Variants in LPCAT2 observed in about 807,000 individuals in gnomAD.
LPCAT2 encodes 1-AGP acyltransferase 11.
A neutral mutation model predicts 64.7 loss-of-function variants in LPCAT2; 58 were observed. The ratio of observed to expected loss-of-function variants is 0.90; its 90% CI spans 0.73 to 1.12. The LOEUF (loss-of-function observed/expected upper bound fraction) is 1.12, where lower values mean the gene tolerates loss of function less well. Ranked by LOEUF, LPCAT2 falls within the 50% of genes most tolerant of loss-of-function variation. The probability of loss-of-function intolerance (pLI) is 0.00; values close to 1 mark genes in which losing one functional copy is unlikely to be tolerated. For missense variants in LPCAT2, 579 were observed against 669.8 expected, an observed-to-expected ratio of 0.86 and a Z score of 1.50; for synonymous variants, 252 against 245.3, an observed-to-expected ratio of 1.03 and a Z score of -0.26.
chr16:55,560,842 T>C (rs897729378), intron 11 of LPCAT2, among the ~76,000 whole-genome samples: 12 of 152,072 alleles, frequency 7.9e-5, no homozygotes, highest in Admixed American at 5.2e-4. Flanking sequence ...CATATCCTAA[T>C]TCACCCAAGT....
At chr16:55,538,413 G>A (rs1157823054) in intron 8 of LPCAT2, 2 of 152,084 alleles carry the variant, frequency 1.3e-5, no homozygotes, top group African/African-American at 4.8e-5. Flanking sequence ...AGAGTTCTGA[G>A]TGGGGTCTAG....
chr16:55,574,853 G>C (rs1421035804), intron 12 of LPCAT2, 124 bp downstream of exon 12: 4 of 670,704 alleles, frequency 6.0e-6, no homozygotes, highest in Non-Finnish European at 1.0e-5. Context: ...ACATGTACAG[G>C]ACAATAATGT....
chr16:55,561,384 T>TTA (rs386384767), intron 11 of LPCAT2, among the ~76,000 whole-genome samples: 1 of 151,130 alleles, frequency 6.6e-6, no homozygotes, highest in Non-Finnish European at 1.5e-5. Flanking sequence ...TTTTTTTTTT[T>TTA]TGCAGATATG....
At position 55,559,537 on chromosome 16, in the gene LPCAT2, T is replaced by C. The variant is rs192292591; in HGVS notation, c.1215+8435T>C. On this transcript the variant is annotated intron_variant, in intron 11 of 13. Coordinates refer to ENST00000262134, the MANE Select transcript of LPCAT2 (RefSeq NM_017839.5). Reference sequence around the variant, plus strand: ...CCCCTTCCTGTTACAGAATGTAGGGTGCTGTAGTGTGCAGGTTTTCTGCTC... The same window carrying C: ...CCCCTTCCTGTTACAGAATGTAGGGCGCTGTAGTGTGCAGGTTTTCTGCTC... Among the ~76,000 whole-genome samples the C allele has an allele frequency of 2.6e-4, 39 of 152,208 alleles. No homozygotes were observed. The East Asian group carries it at 7.1e-3, about 28-fold the overall frequency.
chr16:55,514,890 T>TTGTGTGTGTG lies in LPCAT2; in HGVS notation c.171+5570_171+5579dup, dbSNP rs35295405. Among the ~76,000 whole-genome samples, 945 of 141,302 alleles carry TTGTGTGTGTG rather than the reference T, an allele frequency of 6.7e-3. 9 individuals carry two copies. The highest frequency in any genetic ancestry group is 0.019 in the African/African-American group (722 of 38,194). The allele number at this position is 141,302 out of a possible 152,430, so 92.7% of individuals were successfully genotyped here. On this transcript the variant is annotated intron_variant, in intron 1 of 13. Coordinates refer to ENST00000262134, the MANE Select transcript of LPCAT2 (RefSeq NM_017839.5). ...AGAATATCAATAAAGATGCAATGCA[T>TTGTGTGTGTG]TGTGTGTGTGTGTGTGTGTGTGTGT... is the stretch of plus-strand genomic sequence containing the variant.
At chr16:55,532,199 G>A (rs1485770596) in intron 5 of LPCAT2, 1 of 442,166 alleles carries the variant, frequency 2.3e-6, no homozygotes. Flanking sequence ...TGTGCACTTA[G>A]GATGTGTGGC....
At chr16:55,528,352 T>G in intron 2 of LPCAT2, 25 bp from the exon 3 acceptor site, 1 of 1,585,556 alleles carries the variant, frequency 6.3e-7, no homozygotes, top group Admixed American at 1.7e-5. Context: ...ACAGAGCTAA[T>G]TACATCTTTT....
intron 11 of LPCAT2, among the ~76,000 whole-genome samples, chr16:55,557,417 T>C (rs534810918): frequency 6.6e-6 from 1 of 152,308 alleles, no homozygotes; most frequent in African/African-American, 2.4e-5. Context: ...CTTTCCATGC[T>C]AGGCTTGTTT....
intron 1 of LPCAT2, among the ~76,000 whole-genome samples, chr16:55,512,638 T>C (rs576990918): frequency 4.7e-4 from 71 of 152,250 alleles, no homozygotes; most frequent in Admixed American, 9.8e-4. Flanking sequence ...CTCAAAACCT[T>C]GGCCGATTCC....
In LPCAT2 at chr16:55,531,919, A is replaced by G. The variant is rs1428569088; in HGVS notation, c.648A>G (p.Leu216=). The G allele has an allele frequency of 1.9e-6, 3 of 1,579,452 alleles. No homozygotes were observed. Among genetic ancestry groups the G allele is most frequent in the Non-Finnish European group, 2.6e-6 (3 of 1,149,900 alleles). ...TCTATTCCTTTTTTCCCAAGATACTAGTTTTCCCAGAAGGTACTTGTACTA... is the reference window on the plus strand; with the variant it reads ...TCTATTCCTTTTTTCCCAAGATACTGGTTTTCCCAGAAGGTACTTGTACTA... ...TTSGGEWPQI[L]VFPEGTCTNR... is the part of the protein sequence containing the mutation. The change falls in exon 5 of 14, where the codon CTA becomes CTG. Residue 216 remains leucine, a synonymous_variant. Coordinates refer to ENST00000262134, the MANE Select transcript of LPCAT2 (RefSeq NM_017839.5).
chr16:55,548,125 T>G (rs1204126308), intron 9 of LPCAT2, among the ~76,000 whole-genome samples: 1 of 152,232 alleles, frequency 6.6e-6, no homozygotes. Context: ...CTAGCAATGA[T>G]TCAACAAAAT....
intron 11 of LPCAT2, among the ~76,000 whole-genome samples, chr16:55,553,746 T>C (rs1346871367): frequency 6.6e-6 from 1 of 152,224 alleles, no homozygotes; most frequent in African/African-American, 2.4e-5. Flanking sequence ...TTTGCCCAAA[T>C]CCACCAGAAG....
chr16:55,542,720 G>T (rs1199850521), intron 8 of LPCAT2, among the ~76,000 whole-genome samples: 1 of 152,156 alleles, frequency 6.6e-6, no homozygotes, highest in Non-Finnish European at 1.5e-5. Context: ...GATTGATCCA[G>T]ATGTGACCAT....
At chr16:55,531,676 T>C (rs1350423623) in intron 4 of LPCAT2, among the ~76,000 whole-genome samples, 3 of 152,192 alleles carry the variant, frequency 2.0e-5, no homozygotes, top group Non-Finnish European at 4.4e-5. Flanking sequence ...TAAGAGACAT[T>C]TGTTAAGTAT....
chr16:55,563,441 A>G (rs1963658671), intron 11 of LPCAT2, among the ~76,000 whole-genome samples: 1 of 151,984 alleles, frequency 6.6e-6, no homozygotes, highest in African/African-American at 2.4e-5. Flanking sequence ...CCATATGAAC[A>G]TGGATGCAAA....
chr16:55,517,551 A>G (rs1246590685), intron 1 of LPCAT2, among the ~76,000 whole-genome samples: 1 of 152,172 alleles, frequency 6.6e-6, no homozygotes, highest in African/African-American at 2.4e-5. Flanking sequence ...AAAGAAAACT[A>G]CAGACCAATA....
chr16:55,563,871 A>G (rs1319091255), intron 11 of LPCAT2, among the ~76,000 whole-genome samples: 1 of 151,930 alleles, frequency 6.6e-6, no homozygotes, highest in Non-Finnish European at 1.5e-5. Flanking sequence ...AGAAAAAGAA[A>G]TAAGAGGCAT....
In LPCAT2 at chr16:55,528,339, T is replaced by C. The variant is rs1048092007; in HGVS notation, c.312-38T>C. On this transcript the variant is annotated intron_variant, in intron 2 of 13. Coordinates refer to ENST00000262134, the MANE Select transcript of LPCAT2 (RefSeq NM_017839.5). ...AGTAAAACCCTGCTGCTAGCTTTAATTAACAGAGCTAATTACATCTTTTCT... is the reference window on the plus strand; with the variant it reads ...AGTAAAACCCTGCTGCTAGCTTTAACTAACAGAGCTAATTACATCTTTTCT... 3 of 1,537,134 alleles carry C rather than the reference T, an allele frequency of 2.0e-6. No homozygotes were observed. In the South Asian group the frequency reaches 3.4e-5, roughly 17 times the overall value.
chr16:55,509,991 C>CTTTTTTTTTTTTTTTTTT lies in LPCAT2; in HGVS notation c.171+656_171+657insTTTTTTTTTTTTTTTTTT, dbSNP rs57496150. ...TACGGGAGAGTAGATTTGAAGAAGT[C>CTTTTTTTTTTTTTTTTTT]TTTTTTTTTTTTTTTTTGCCTTAGG... On this transcript the variant is annotated intron_variant, in intron 1 of 13. Transcript: ENST00000262134. 4.9e-4 allele frequency among the ~76,000 whole-genome samples: 50 copies of CTTTTTTTTTTTTTTTTTT among 102,532 alleles called. 2 individuals are homozygous for CTTTTTTTTTTTTTTTTTT. The highest frequency in any genetic ancestry group is 1.4e-3 in the African/African-American group (38 of 27,202). 67.3% of individuals were successfully genotyped at this position (102,532 alleles called of 152,430 possible). A position where few individuals can be genotyped will look rare whatever the true frequency, so the allele number is the denominator to read the frequency against.
Sources: allele counts gnomAD v4.1 joint callset (sites outside exome capture counted in the v4.1 genomes callset), GRCh38; gene constraint gnomAD v4.1.1; transcripts MANE v1.5; gene names NCBI Gene and HGNC (gene_info 2026-07-23, HGNC 2026-07-21).